Variants in KIFAP3 observed in about 807,000 individuals in gnomAD.
KIFAP3 encodes kinesin associated protein 3.
A neutral mutation model predicts 106.5 loss-of-function variants in KIFAP3; 68 were observed. That is an observed-to-expected ratio of 0.64 (90% CI 0.53 to 0.78). The LOEUF is 0.78. KIFAP3 is among the 30% of genes least tolerant of loss of function. The pLI is 0.00. For missense variants in KIFAP3, 780 were observed against 941.8 expected (o/e 0.83, Z 2.25); for synonymous variants, 320 against 311.5 (o/e 1.03, Z -0.29).
Position 169,967,445 on chromosome 1 carries a change from A to G in KIFAP3, c.1983+5068T>C, listed in dbSNP as rs531248296. On this transcript the variant is annotated intron_variant, in intron 17 of 19. Coordinates refer to ENST00000361580, the MANE Select transcript of KIFAP3 (RefSeq NM_014970.4). ...GAATATAGTTTAGTAGCCATGGCAAAGTGAGTTTCTTTGTGTTTCAGCATC... is the reference window on the plus strand; with the variant it reads ...GAATATAGTTTAGTAGCCATGGCAAGGTGAGTTTCTTTGTGTTTCAGCATC... Among the ~76,000 whole-genome samples the G allele has an allele frequency of 1.2e-3, 188 of 151,852 alleles. 1 individual carries two copies. Among genetic ancestry groups the G allele is most frequent in the Non-Finnish European group, 2.3e-3 (158 of 67,778 alleles).
chr1:170,031,814 T>C (rs1669425073), intron 8 of KIFAP3, 72 bp downstream of exon 8: 1 of 952,998 alleles, frequency 1.0e-6, no homozygotes, highest in Non-Finnish European at 1.7e-6. Flanking sequence ...ACAGGTATGA[T>C]AAAAAGTGAA....
rs1361338751 is a variant in KIFAP3 at position 169,973,124 on chromosome 1, A to ATATAG, written c.1898-527_1898-526insCTATA. On this transcript the variant is annotated intron_variant, in intron 16 of 19. Coordinates refer to ENST00000361580, the MANE Select transcript of KIFAP3 (RefSeq NM_014970.4). ...TAGTGTGTATATATATATATATATA[A>ATATAG]ACAACACAAATCAGGATTAGAAAAC... Among the ~76,000 whole-genome samples the ATATAG allele has an allele frequency of 3.1e-4, 15 of 48,732 alleles. 2 individuals are homozygous for ATATAG. The highest frequency in any genetic ancestry group is 4.3e-4 in the Admixed American group (2 of 4,622). The allele number at this position is 48,732 out of a possible 152,430, so 32.0% of individuals were successfully genotyped here. A position where few individuals can be genotyped will look rare whatever the true frequency, so the allele number is the denominator to read the frequency against.
intron 2 of KIFAP3, among the ~76,000 whole-genome samples, chr1:170,054,142 T>G (rs1571740833): frequency 6.6e-6 from 1 of 152,078 alleles, no homozygotes; most frequent in South Asian, 2.1e-4. Flanking sequence ...TTAAACAAAT[T>G]TACAAGAGAA....
intron 1 of KIFAP3, among the ~76,000 whole-genome samples, chr1:170,059,740 T>C (rs899925990): frequency 2.0e-5 from 3 of 152,182 alleles, no homozygotes; most frequent in African/African-American, 7.2e-5. Flanking sequence ...CCAATATCCC[T>C]GATGAACATC....
In KIFAP3 at chr1:170,032,003, A is replaced by C; in HGVS notation, c.743-19T>G. 1 of 1,473,672 alleles carries C rather than the reference A, an allele frequency of 6.8e-7. No homozygotes were observed. The highest frequency in any genetic ancestry group is 1.2e-5 in the South Asian group (1 of 86,444). The allele number at this position is 1,473,672 out of a possible 1,614,324, so 91.3% of individuals were successfully genotyped here. Reference sequence around the variant, plus strand: ...TCATCAAGTAAACAACTTGTTAAGGATCATCCATACTCATTGAAGCAAAAA... The same window carrying C: ...TCATCAAGTAAACAACTTGTTAAGGCTCATCCATACTCATTGAAGCAAAAA... On this transcript the variant is annotated intron_variant, in intron 7 of 19. Coordinates refer to ENST00000361580, the MANE Select transcript of KIFAP3 (RefSeq NM_014970.4).
intron 1 of KIFAP3, among the ~76,000 whole-genome samples, chr1:170,083,591 T>C (rs757752114): frequency 6.6e-6 from 1 of 152,226 alleles, no homozygotes; most frequent in Non-Finnish European, 1.5e-5. Context: ...TGAGATAGCA[T>C]ACATAAATTT....
chr1:170,062,015 T>G (rs1382669373), intron 1 of KIFAP3, among the ~76,000 whole-genome samples: 1 of 151,734 alleles, frequency 6.6e-6, no homozygotes, highest in Non-Finnish European at 1.5e-5. Context: ...GCCTGTCACG[T>G]GGTGGGGAGA....
At chr1:169,955,285 T>C (rs1664949187) in intron 18 of KIFAP3, among the ~76,000 whole-genome samples, 1 of 152,214 alleles carries the variant, frequency 6.6e-6, no homozygotes, top group Non-Finnish European at 1.5e-5. Context: ...GTGGGAAATG[T>C]ATAAAATTAC....
intron 8 of KIFAP3, among the ~76,000 whole-genome samples, chr1:170,024,896 T>C (rs945720758): frequency 1.3e-4 from 19 of 151,976 alleles, no homozygotes; most frequent in African/African-American, 4.3e-4. Context: ...AGCTTAGAGT[T>C]TAATAGAAAT....
intron 3 of KIFAP3, among the ~76,000 whole-genome samples, chr1:170,040,435 T>C (rs185710206): frequency 1.4e-4 from 21 of 152,262 alleles, no homozygotes; most frequent in Admixed American, 3.3e-4. Context: ...TATGATGACA[T>C]AGAAATTTTT....
intron 7 of KIFAP3, among the ~76,000 whole-genome samples, chr1:170,032,701 C>G (rs756947305): frequency 1.3e-5 from 2 of 151,596 alleles, no homozygotes; most frequent in Non-Finnish European, 3.0e-5. Flanking sequence ...AATAAAATAG[C>G]AACATGTCAG....
At chr1:169,959,324 G>A (rs1417102722) in intron 18 of KIFAP3, among the ~76,000 whole-genome samples, 1 of 152,104 alleles carries the variant, frequency 6.6e-6, no homozygotes, top group Non-Finnish European at 1.5e-5. Context: ...CATGGAAAAT[G>A]ATGTAGGTAA....
At chr1:169,928,426 T>C (rs1157448900) in intron 19 of KIFAP3, among the ~76,000 whole-genome samples, 1 of 152,112 alleles carries the variant, frequency 6.6e-6, no homozygotes, top group African/African-American at 2.4e-5. Context: ...ATAGTTTTTT[T>C]AGGCCAGATG....
chr1:170,061,081 C>T (rs1161353953), intron 1 of KIFAP3, among the ~76,000 whole-genome samples: 2 of 152,194 alleles, frequency 1.3e-5, no homozygotes, highest in African/African-American at 4.8e-5. Flanking sequence ...CTAGGCAATA[C>T]CATTCAGGAC....
intron 17 of KIFAP3, 67 bp from the exon 18 acceptor site, chr1:169,961,302 T>C: frequency 7.8e-7 from 1 of 1,283,698 alleles, no homozygotes; most frequent in South Asian, 1.3e-5. Context: ...ACGGCAATAT[T>C]TTTATCTCTT....
At chr1:170,051,298 A>G (rs1216549747) in intron 2 of KIFAP3, among the ~76,000 whole-genome samples, 1 of 152,196 alleles carries the variant, frequency 6.6e-6, no homozygotes, top group Non-Finnish European at 1.5e-5. Flanking sequence ...ACTCTCCTAA[A>G]TATATATGCA....
chr1:170,002,782 A>G (rs1337267214), intron 10 of KIFAP3, among the ~76,000 whole-genome samples: 1 of 152,226 alleles, frequency 6.6e-6, no homozygotes, highest in Non-Finnish European at 1.5e-5. Flanking sequence ...CAAGTACACC[A>G]GATGAATATT....
chr1:170,041,860 TA>T, intron 3 of KIFAP3: 1 of 1,393,196 alleles, frequency 7.2e-7, no homozygotes, highest in Non-Finnish European at 9.4e-7. Context: ...GGGCCCTGTT[TA>T]AGGGGAATTT....
intron 2 of KIFAP3, among the ~76,000 whole-genome samples, chr1:170,054,320 GATT>G (rs1670731122): frequency 6.6e-6 from 1 of 152,154 alleles, no homozygotes; most frequent in Admixed American, 6.6e-5. Context: ...TTAGAATGGT[GATT>G]ATTAAAAAGT....
Sources: gnomAD v4.1 joint callset for allele counts (sites outside exome capture counted in the v4.1 genomes callset) on GRCh38, gnomAD v4.1.1 for gene constraint, MANE v1.5 for transcripts, NCBI Gene and HGNC (gene_info 2026-07-23, HGNC 2026-07-21) for gene names.